Variants in EWSR1 observed in about 807,000 individuals in gnomAD.
EWSR1 encodes RNA-binding protein EWS.
Under a neutral mutation model 92.1 loss-of-function variants are expected in EWSR1, and 14 were observed. That is an observed-to-expected ratio of 0.15 (90% confidence interval 0.10 to 0.24). EWSR1 has a LOEUF of 0.24. Among genes scored for constraint, EWSR1 ranks in the 10% least tolerant of loss-of-function variants. The probability of loss-of-function intolerance (pLI) is 1.00; values close to 1 mark genes in which losing one functional copy is unlikely to be tolerated. For missense variants in EWSR1, 637 were observed against 870.9 expected, an observed-to-expected ratio of 0.73 and a Z score of 3.38; for synonymous variants, 303 against 292.9, an observed-to-expected ratio of 1.03 and a Z score of -0.35.
intron 11 of EWSR1, chr22:29,295,949 C>T: frequency 2.7e-6 from 1 of 364,762 alleles, no homozygotes; most frequent in East Asian, 4.6e-5. Flanking sequence ...GGATACCTGT[C>T]TGGGCATAGA....
At chr22:29,268,402 G>A in intron 1 of EWSR1, 53 bp downstream of exon 1, 1 of 1,613,704 alleles carries the variant, frequency 6.2e-7, no homozygotes, top group Non-Finnish European at 8.5e-7. Context: ...CGCCCAAACT[G>A]GGGGTCGTTC....
At chr22:29,268,397 A>C in intron 1 of EWSR1, 48 bp downstream of exon 1, 1 of 1,613,800 alleles carries the variant, frequency 6.2e-7, no homozygotes, top group Middle Eastern at 1.7e-4. Context: ...CGGAACGCCC[A>C]AACTGGGGGT....
chr22:29,278,749 C>T (rs1265638003), intron 5 of EWSR1, among the ~76,000 whole-genome samples: 2 of 151,182 alleles, frequency 1.3e-5, no homozygotes, highest in Admixed American at 6.6e-5. Flanking sequence ...GTCATGAACC[C>T]GAGAGGCGGA....
At chr22:29,290,901 A>G (rs944706926) in intron 8 of EWSR1, 3 of 247,960 alleles carry the variant, frequency 1.2e-5, no homozygotes, top group African/African-American at 2.2e-5. Context: ...GTAATTTTAC[A>G]TGGCCATAGT....
At chr22:29,278,000 G>C (rs751773598) in intron 4 of EWSR1, 30 bp from the exon 5 acceptor site, 1 of 1,602,128 alleles carries the variant, frequency 6.2e-7, no homozygotes, top group South Asian at 1.1e-5. Flanking sequence ...GAGGGGACCT[G>C]AAATCTGATG....
At chr22:29,293,875 ATTTG>A (rs1162567999) in intron 11 of EWSR1, among the ~76,000 whole-genome samples, 8 of 151,800 alleles carry the variant, frequency 5.3e-5, no homozygotes, top group South Asian at 2.1e-4. Flanking sequence ...GCCTGTCTCT[ATTTG>A]TTATTTTATT....
chr22:29,289,280 A>T (rs1276925517), intron 8 of EWSR1: 1 of 232,158 alleles, frequency 4.3e-6, no homozygotes, highest in Admixed American at 5.6e-5. Flanking sequence ...CATAATCCTT[A>T]AACTATAGCC....
At chr22:29,272,140 G>A (rs2058729996) in intron 1 of EWSR1, 76 bp from the exon 2 acceptor site, 1 of 1,361,500 alleles carries the variant, frequency 7.3e-7, no homozygotes, top group Non-Finnish European at 1.0e-6. Context: ...CCTGCCACGT[G>A]AATTCTTTCC....
intron 3 of EWSR1, among the ~76,000 whole-genome samples, chr22:29,273,450 G>A (rs2146821331): frequency 6.6e-6 from 1 of 152,188 alleles, no homozygotes; most frequent in Non-Finnish European, 1.5e-5. Flanking sequence ...AGTTAACTGA[G>A]GTTTTGCCTG....
chr22:29,278,003 A>G, intron 4 of EWSR1, 27 bp from the exon 5 acceptor site: 1 of 1,603,246 alleles, frequency 6.2e-7, no homozygotes, highest in Non-Finnish European at 8.5e-7. Flanking sequence ...GGGACCTGAA[A>G]TCTGATGCAG....
chr22:29,282,181 T>C (rs1030868765), intron 5 of EWSR1, among the ~76,000 whole-genome samples: 2 of 152,178 alleles, frequency 1.3e-5, no homozygotes, highest in South Asian at 4.1e-4. Context: ...CCTTCCTTAG[T>C]GTTGTCTTCA....
chr22:29,278,311 T>A, intron 5 of EWSR1, 95 bp downstream of exon 5: 3 of 1,245,442 alleles, frequency 2.4e-6, no homozygotes, highest in African/African-American at 1.5e-5. Context: ...AGTTCCTTAT[T>A]AGTGGTTGCT....
chr22:29,269,212 C>T (rs932709655), intron 1 of EWSR1: 1 of 152,190 alleles, frequency 6.6e-6, no homozygotes, highest in Non-Finnish European at 1.5e-5. Flanking sequence ...GAACAAAAGG[C>T]CGAGCCTTCA....
chr22:29,299,100 T>C, intron 14 of EWSR1, 134 bp from the exon 15 acceptor site: 3 of 1,541,290 alleles, frequency 1.9e-6, no homozygotes, highest in East Asian at 4.5e-5. Flanking sequence ...CAATGCTGCC[T>C]GAGGCTGTGC....
chr22:29,297,112 C>T (rs1199423383), intron 12 of EWSR1, among the ~76,000 whole-genome samples: 1 of 152,174 alleles, frequency 6.6e-6, no homozygotes, highest in Non-Finnish European at 1.5e-5. Context: ...AGCTTCCCAC[C>T]AGCTTATTTT....
At chr22:29,286,418 G>A (rs1398394092) in intron 6 of EWSR1, among the ~76,000 whole-genome samples, 6 of 151,872 alleles carry the variant, frequency 4.0e-5, no homozygotes, top group African/African-American at 9.7e-5. Flanking sequence ...GCTGGGCACC[G>A]TGGCTCATGC....
chr22:29,296,091 A>G (rs1436752100), intron 11 of EWSR1, 148 bp from the exon 12 acceptor site: 4 of 818,680 alleles, frequency 4.9e-6, no homozygotes, highest in Non-Finnish European at 7.4e-6. Flanking sequence ...ATAACTTAGA[A>G]TTCTGAAAAA....
At chr22:29,294,234 G>T (rs2060663635) in intron 11 of EWSR1, among the ~76,000 whole-genome samples, 2 of 152,158 alleles carry the variant, frequency 1.3e-5, no homozygotes. Flanking sequence ...TTACTTCTAG[G>T]TTTCGTTTAT....
intron 4 of EWSR1, chr22:29,276,294 C>T (rs1451071742): frequency 8.7e-6 from 2 of 229,818 alleles, no homozygotes; most frequent in African/African-American, 4.4e-5. Context: ...TTAAGCAGTT[C>T]AGATGAACAA....
Sources: gnomAD v4.1 joint callset for allele counts (sites outside exome capture counted in the v4.1 genomes callset) on GRCh38, gnomAD v4.1.1 for gene constraint, MANE v1.5 for transcripts, NCBI Gene and HGNC (gene_info 2026-07-23, HGNC 2026-07-21) for gene names.